PCDH9: variants seen among roughly 807,000 people sequenced by gnomAD.
PCDH9 encodes protocadherin-9.
A neutral mutation model predicts 70.6 loss-of-function variants in PCDH9; 24 were observed. The ratio of observed to expected loss-of-function variants is 0.34; its 90% confidence interval spans 0.25 to 0.48. PCDH9 has a LOEUF of 0.48. Among genes scored for constraint, PCDH9 ranks in the 20% least tolerant of loss-of-function variants. The pLI, the probability that PCDH9 is intolerant of heterozygous loss-of-function variation, is 0.99. For synonymous variants in PCDH9, 562 were observed against 558.5 expected (o/e 1.01, Z -0.09); for missense variants, 1,281 against 1,503.6 (o/e 0.85, Z 2.45).
chr13:67,145,368 C>G (rs956396687), intron 2 of PCDH9, among the ~76,000 whole-genome samples: 6 of 151,928 alleles, frequency 3.9e-5, no homozygotes, highest in African/African-American at 1.4e-4. Flanking sequence ...TTTACCTTGT[C>G]AAATTTTTTT....
At chr13:66,450,494 A>G (rs1220284276) in intron 4 of PCDH9, among the ~76,000 whole-genome samples, 3 of 152,210 alleles carry the variant, frequency 2.0e-5, no homozygotes, top group African/African-American at 7.2e-5. Context: ...TTAAGCATTT[A>G]GAGTGACATA....
chr13:66,574,560 G>A (rs369485530), intron 4 of PCDH9, among the ~76,000 whole-genome samples: 1 of 152,028 alleles, frequency 6.6e-6, no homozygotes, highest in Non-Finnish European at 1.5e-5. Context: ...TAAATACTTT[G>A]CTGCTAACTC....
At chr13:67,053,744 A>T (rs747667113) in intron 2 of PCDH9, among the ~76,000 whole-genome samples, 3 of 152,198 alleles carry the variant, frequency 2.0e-5, no homozygotes, top group Non-Finnish European at 2.9e-5. Flanking sequence ...AACAATACAG[A>T]TGACACAATT....
intron 4 of PCDH9, among the ~76,000 whole-genome samples, chr13:66,603,445 C>A (rs1326561188): frequency 1.3e-5 from 2 of 151,846 alleles, no homozygotes. Flanking sequence ...AGTTTTCTTT[C>A]ATGTACAAAG....
At chr13:66,325,542 C>A (rs1189054109) in intron 4 of PCDH9, among the ~76,000 whole-genome samples, 1 of 152,040 alleles carries the variant, frequency 6.6e-6, no homozygotes, top group Non-Finnish European at 1.5e-5. Flanking sequence ...TTCTGATTTT[C>A]TTTTATTAAG....
chr13:66,650,638 T>C (rs959523339), intron 3 of PCDH9, among the ~76,000 whole-genome samples: 6 of 151,848 alleles, frequency 4.0e-5, no homozygotes, highest in African/African-American at 1.4e-4. Context: ...GGACTTAGTA[T>C]ACCCTATAGA....
At chr13:66,890,410 A>G (rs2082076045) in intron 3 of PCDH9, among the ~76,000 whole-genome samples, 1 of 148,074 alleles carries the variant, frequency 6.8e-6, no homozygotes, top group African/African-American at 2.5e-5. Flanking sequence ...GCTTGACTAA[A>G]CTTTAGACAA....
intron 2 of PCDH9, among the ~76,000 whole-genome samples, chr13:67,043,834 C>A (rs1442058706): frequency 6.6e-6 from 1 of 151,964 alleles, no homozygotes; most frequent in Non-Finnish European, 1.5e-5. Context: ...ATATACATAG[C>A]CTTGTTTATG....
chr13:66,384,642 C>T (rs1003833137), intron 4 of PCDH9, among the ~76,000 whole-genome samples: 1 of 152,098 alleles, frequency 6.6e-6, no homozygotes, highest in Non-Finnish European at 1.5e-5. Context: ...ATTCAACCTA[C>T]ATATCTGCCA....
chr13:66,981,114 A>T (rs1169469134), intron 2 of PCDH9, among the ~76,000 whole-genome samples: 1 of 152,206 alleles, frequency 6.6e-6, no homozygotes, highest in African/African-American at 2.4e-5. Context: ...AGACATTTAC[A>T]GAATATAATA....
intron 2 of PCDH9, among the ~76,000 whole-genome samples, chr13:66,977,233 G>A (rs1038778057): frequency 1.7e-4 from 26 of 151,948 alleles, no homozygotes; most frequent in Non-Finnish European, 3.4e-4. Flanking sequence ...GGGGGATCTC[G>A]TCTAATTTTC....
chr13:66,683,583 T>A (rs2078358809), intron 3 of PCDH9, among the ~76,000 whole-genome samples: 1 of 152,192 alleles, frequency 6.6e-6, no homozygotes, highest in Non-Finnish European at 1.5e-5. Flanking sequence ...CTTCACTACA[T>A]TTATACTCAC....
chr13:67,150,945 T>G (rs17590408), intron 2 of PCDH9, among the ~76,000 whole-genome samples: 5,227 of 152,278 alleles, frequency 0.034, 243 homozygotes, highest in Admixed American at 0.14. Context: ...GCCCAAGGCC[T>G]TCCAATTGCT....
chr13:66,616,243 T>C (rs747625281), intron 4 of PCDH9, among the ~76,000 whole-genome samples: 7 of 152,200 alleles, frequency 4.6e-5, no homozygotes, highest in African/African-American at 7.2e-5. Context: ...GGCTCCACTT[T>C]ATGTGTTCTT....
intron 3 of PCDH9, among the ~76,000 whole-genome samples, chr13:66,701,207 A>T (rs892956640): frequency 3.3e-5 from 5 of 151,544 alleles, no homozygotes; most frequent in South Asian, 2.1e-4. Context: ...ATAGTCTTGG[A>T]TGCTTTCATT....
chr13:66,779,633 C>T (rs1290591471), intron 3 of PCDH9, among the ~76,000 whole-genome samples: 2 of 151,852 alleles, frequency 1.3e-5, no homozygotes, highest in African/African-American at 4.8e-5. Context: ...CCATCTTAGC[C>T]AACATGGTGA....
At chr13:66,467,660 C>T (rs528340050) in intron 4 of PCDH9, among the ~76,000 whole-genome samples, 2 of 151,948 alleles carry the variant, frequency 1.3e-5, no homozygotes, top group African/African-American at 4.8e-5. Flanking sequence ...CAGCAATTAT[C>T]CCACAGTCCA....
chr13:67,042,624 GCTTCTAC>G (rs2085143205), intron 2 of PCDH9, among the ~76,000 whole-genome samples: 2 of 152,078 alleles, frequency 1.3e-5, no homozygotes, highest in African/African-American at 4.8e-5. Flanking sequence ...TATACAGATA[GCTTCTAC>G]TCTTTACATT....
chr13:66,574,887 T>A (rs2076790917), intron 4 of PCDH9, among the ~76,000 whole-genome samples: 1 of 152,092 alleles, frequency 6.6e-6, no homozygotes, highest in Non-Finnish European at 1.5e-5. Context: ...CAAAGATATT[T>A]TTGGGCCGGG....
Sources: gnomAD v4.1 joint callset for allele counts (sites outside exome capture counted in the v4.1 genomes callset) on GRCh38, gnomAD v4.1.1 for gene constraint, MANE v1.5 for transcripts, NCBI Gene and HGNC (gene_info 2026-07-23, HGNC 2026-07-21) for gene names.